Variants in PLCE1 observed in about 807,000 individuals in gnomAD.
PLCE1 encodes the protein phospholipase C epsilon 1.
PLCE1 carries 119 observed loss-of-function variants against 242.8 expected under a neutral mutation model. The observed-to-expected ratio is 0.49, with a 90% CI of 0.42 to 0.57. The LOEUF (loss-of-function observed/expected upper bound fraction) is 0.57, where lower values mean the gene tolerates loss of function less well. Ranked by LOEUF, PLCE1 falls within the 20% of genes least tolerant of loss-of-function variation. PLCE1 has a pLI of 0.00. For synonymous variants in PLCE1, 945 were observed against 1,017.4 expected (o/e 0.93, Z 1.35); for missense variants, 2,441 against 2,788.8 (o/e 0.88, Z 2.81).
At chr10:94,105,271 G>T (rs1045765521) in intron 2 of PLCE1, 5 of 152,248 alleles carry the variant, frequency 3.3e-5, no homozygotes, top group African/African-American at 1.2e-4. Context: ...GAGTTGGACA[G>T]TGTTGAGGTA....
Position 94,325,013 on chromosome 10 carries a change from T to C in PLCE1, c.6842T>C (p.Ile2281Thr), listed in dbSNP as rs1323861374. 6.2e-7 allele frequency: 1 copy of C among 1,614,128 alleles called. No individual in the cohort carries two copies. The highest frequency in any genetic ancestry group is 1.7e-5 in the Admixed American group (1 of 60,020). ...TCTCAGCTCTTGACCTCAGAAAGTA[T>C]CCAAACCAAGGAGGAGAAACCTGTG... is the stretch of plus-strand genomic sequence containing the variant. ...SPSQLLTSES[I>T]QTKEEKPVGG... Residue 2281 changes from isoleucine (I) to threonine (T), a missense_variant, in exon 32 of 33, where the codon ATC becomes ACC. Physicochemically the swap from Ile to Thr is moderately conservative, Grantham distance 89. This residue lies in a region of PLCE1 where 310 missense variants were observed against 317.2 expected (regional missense o/e 0.98). Transcript: ENST00000371380.
chr10:94,290,682 A>ATG (rs1564867081), intron 22 of PLCE1, among the ~76,000 whole-genome samples: 1 of 151,504 alleles, frequency 6.6e-6, no homozygotes, highest in African/African-American at 2.4e-5. Flanking sequence ...ATATATATAT[A>ATG]TGTAACTTAA....
At chr10:94,127,773 A>G (rs1274658029) in intron 2 of PLCE1, among the ~76,000 whole-genome samples, 1 of 152,184 alleles carries the variant, frequency 6.6e-6, no homozygotes, top group Admixed American at 6.5e-5. Flanking sequence ...TATATCCTAT[A>G]TTGGCGAAAA....
intron 2 of PLCE1, among the ~76,000 whole-genome samples, chr10:94,041,521 C>T (rs895146334): frequency 6.6e-6 from 1 of 152,162 alleles, no homozygotes; most frequent in Non-Finnish European, 1.5e-5. Context: ...GCTGTTAGAA[C>T]CCTTGAGAAA....
At chr10:94,140,492 G>A (rs1475386859) in intron 3 of PLCE1, among the ~76,000 whole-genome samples, 2 of 152,142 alleles carry the variant, frequency 1.3e-5, no homozygotes, top group African/African-American at 2.4e-5. Context: ...GCAGTGAGCC[G>A]AGAACACACC....
intron 2 of PLCE1, among the ~76,000 whole-genome samples, chr10:94,035,377 G>C (rs956554974): frequency 1.3e-5 from 2 of 152,050 alleles, no homozygotes; most frequent in African/African-American, 4.8e-5. Context: ...TGTTTCTTCT[G>C]AGCTTGTTCA....
At chr10:94,115,537 A>C (rs770092654) in intron 2 of PLCE1, among the ~76,000 whole-genome samples, 52 of 152,090 alleles carry the variant, frequency 3.4e-4, no homozygotes, top group Admixed American at 1.1e-3. Flanking sequence ...GCATTTTTTC[A>C]TGTGTCTGTT....
At chr10:94,154,589 G>A (rs1019869327) in intron 3 of PLCE1, among the ~76,000 whole-genome samples, 1 of 152,050 alleles carries the variant, frequency 6.6e-6, no homozygotes, top group Non-Finnish European at 1.5e-5. Flanking sequence ...AGAATATATA[G>A]AGAACTAAAA....
At chr10:94,124,634 T>C (rs2046389610) in intron 2 of PLCE1, among the ~76,000 whole-genome samples, 1 of 152,202 alleles carries the variant, frequency 6.6e-6, no homozygotes, top group Admixed American at 6.5e-5. Flanking sequence ...ATCATTGTTC[T>C]CCAGCATCTA....
intron 2 of PLCE1, among the ~76,000 whole-genome samples, chr10:94,064,185 A>G (rs546948868): frequency 1.3e-5 from 2 of 152,302 alleles, no homozygotes; most frequent in African/African-American, 4.8e-5. Flanking sequence ...CTTATCTTCA[A>G]CTCAAGAGTG....
At chr10:94,017,199 C>T (rs1047905028) in intron 1 of PLCE1, among the ~76,000 whole-genome samples, 3 of 152,166 alleles carry the variant, frequency 2.0e-5, no homozygotes, top group Non-Finnish European at 4.4e-5. Flanking sequence ...ACTCTGAAAA[C>T]AGTTCTGTCT....
chr10:94,304,001 C>T (rs888304744), intron 24 of PLCE1, among the ~76,000 whole-genome samples: 1 of 151,770 alleles, frequency 6.6e-6, no homozygotes, highest in Admixed American at 6.6e-5. Context: ...AATCTAGGCT[C>T]CCAGGGGAAA....
chr10:94,148,125 G>A (rs2047169808), intron 3 of PLCE1, among the ~76,000 whole-genome samples: 1 of 152,104 alleles, frequency 6.6e-6, no homozygotes, highest in African/African-American at 2.4e-5. Context: ...TGTAAAATAG[G>A]ACAATGCAGA....
intron 13 of PLCE1, 135 bp downstream of exon 13, chr10:94,259,285 A>ATTTT: frequency 4.1e-6 from 3 of 729,268 alleles, no homozygotes; most frequent in Non-Finnish European, 6.9e-6. Flanking sequence ...ACTTAAGAGA[A>ATTTT]TTTTTTTTTT....
chr10:94,177,583 C>T (rs1310583355), intron 4 of PLCE1, among the ~76,000 whole-genome samples: 2 of 152,214 alleles, frequency 1.3e-5, no homozygotes, highest in Admixed American at 1.3e-4. Flanking sequence ...CTTTCTCTCT[C>T]CTTTCAGGTG....
intron 2 of PLCE1, among the ~76,000 whole-genome samples, chr10:94,089,860 A>G (rs2044994324): frequency 1.3e-5 from 2 of 152,222 alleles, no homozygotes; most frequent in African/African-American, 4.8e-5. Context: ...CTAGTAAGGA[A>G]TATCCTGAAG....
intron 4 of PLCE1, chr10:94,225,185 G>C (rs945609514): frequency 2.6e-5 from 4 of 152,218 alleles, no homozygotes; most frequent in Non-Finnish European, 5.9e-5. Flanking sequence ...ACTCCCTGTT[G>C]CTCTGATTTT....
intron 2 of PLCE1, among the ~76,000 whole-genome samples, chr10:94,069,316 G>A (rs1212234166): frequency 6.6e-6 from 1 of 152,142 alleles, no homozygotes. Context: ...ACTCTACCGA[G>A]GGACCAGGCA....
At chr10:94,050,342 T>C (rs1321213800) in intron 2 of PLCE1, among the ~76,000 whole-genome samples, 1 of 152,076 alleles carries the variant, frequency 6.6e-6, no homozygotes, top group African/African-American at 2.4e-5. Flanking sequence ...CAAACACTTA[T>C]AAAACCATCA....
Sources: gnomAD v4.1 joint callset for allele counts (sites outside exome capture counted in the v4.1 genomes callset) on GRCh38, gnomAD v4.1.1 for gene constraint, gnomAD v4.1.1 regional missense constraint, MANE v1.5 for transcripts, NCBI Gene and HGNC (gene_info 2026-07-23, HGNC 2026-07-21) for gene names.